The following KAZN variants were observed in gnomAD, a reference collection of about 807,000 sequenced individuals.
KAZN encodes the protein kazrin, periplakin interacting protein.
Under a neutral mutation model 87.4 loss-of-function variants are expected in KAZN, and 40 were observed. That is an observed-to-expected ratio of 0.46 (90% CI 0.36 to 0.60). The LOEUF is 0.60. Among genes scored for constraint, KAZN ranks in the 20% least tolerant of loss-of-function variants. The pLI, the probability that KAZN is intolerant of heterozygous loss-of-function variation, is 0.00. For synonymous variants in KAZN, 466 were observed against 458.3 expected, an observed-to-expected ratio of 1.02 and a Z score of -0.22; for missense variants, 898 against 1,073.9, an observed-to-expected ratio of 0.84 and a Z score of 2.29.
chr1:14,096,794 TC>T (rs1644138861), intron 1 of KAZN, among the ~76,000 whole-genome samples: 2 of 152,142 alleles, frequency 1.3e-5, no homozygotes, highest in Admixed American at 6.6e-5. Flanking sequence ...CTTGAGTGAA[TC>T]CCCAGGCCTA....
At chr1:14,794,657 C>A (rs1203247305) in intron 1 of KAZN, among the ~76,000 whole-genome samples, 1 of 152,232 alleles carries the variant, frequency 6.6e-6, no homozygotes, top group Non-Finnish European at 1.5e-5. Flanking sequence ...CCAGTGAAGT[C>A]AGCTCATGCA....
intron 1 of KAZN, among the ~76,000 whole-genome samples, chr1:14,658,345 T>C (rs1311366216): frequency 3.3e-5 from 5 of 152,194 alleles, no homozygotes; most frequent in African/African-American, 1.2e-4. Flanking sequence ...ACTAAATAAA[T>C]GTGAGCTGAT....
At chr1:14,971,742 C>T (rs1665072251) in intron 2 of KAZN, among the ~76,000 whole-genome samples, 1 of 139,292 alleles carries the variant, frequency 7.2e-6, no homozygotes, top group Admixed American at 7.9e-5. Context: ...AATGCAGTGG[C>T]GCGATCTCTG....
intron 1 of KAZN, among the ~76,000 whole-genome samples, chr1:14,776,601 T>G (rs1645180808): frequency 6.6e-6 from 1 of 152,194 alleles, no homozygotes; most frequent in Non-Finnish European, 1.5e-5. Context: ...GGCACTCTGC[T>G]AAGGACATCA....
chr1:13,916,805 G>T (rs1290191651), intron 1 of KAZN, among the ~76,000 whole-genome samples: 1 of 152,074 alleles, frequency 6.6e-6, no homozygotes. Flanking sequence ...GCCTCCTGTG[G>T]CTGGAGGCAA....
At chr1:14,775,708 C>T (rs1163649144) in intron 1 of KAZN, among the ~76,000 whole-genome samples, 14 of 152,256 alleles carry the variant, frequency 9.2e-5, no homozygotes, top group African/African-American at 3.4e-4. Flanking sequence ...CCGATTTAGC[C>T]TTAGGCTCAT....
At chr1:14,362,816 C>A (rs1452619941) in intron 2 of KAZN, among the ~76,000 whole-genome samples, 1 of 152,146 alleles carries the variant, frequency 6.6e-6, no homozygotes, top group Non-Finnish European at 1.5e-5. Context: ...CTATTTGACT[C>A]CAAGGGGTAT....
chr1:14,318,733 C>T (rs1278709409), intron 2 of KAZN, among the ~76,000 whole-genome samples: 1 of 151,958 alleles, frequency 6.6e-6, no homozygotes, highest in Non-Finnish European at 1.5e-5. Context: ...CCCTTCTGTG[C>T]TTCATTTGGA....
intron 1 of KAZN, among the ~76,000 whole-genome samples, chr1:14,109,822 C>CCCAGGCTGGA (rs1557482909): frequency 8.2e-5 from 7 of 85,278 alleles, no homozygotes; most frequent in Admixed American, 2.2e-4. Context: ...ACGATTTCAG[C>CCCAGGCTGGA]GTCAAGTAGG....
chr1:14,312,581 C>T (rs769247861), intron 2 of KAZN, among the ~76,000 whole-genome samples: 7 of 152,102 alleles, frequency 4.6e-5, no homozygotes, highest in Non-Finnish European at 8.8e-5. Context: ...TTCTAATAAA[C>T]GTTTTTATTG....
intron 2 of KAZN, among the ~76,000 whole-genome samples, chr1:14,418,862 TGTG>T (rs1450243579): frequency 6.6e-6 from 1 of 152,126 alleles, no homozygotes; most frequent in Non-Finnish European, 1.5e-5. Context: ...CCAGTACACT[TGTG>T]TGTGTGCAAA....
intron 1 of KAZN, among the ~76,000 whole-genome samples, chr1:14,794,813 C>T (rs1645782791): frequency 6.6e-6 from 1 of 152,176 alleles, no homozygotes; most frequent in Non-Finnish European, 1.5e-5. Context: ...ACATTTGAGT[C>T]AGTGGACTGG....
At chr1:14,993,205 C>T (rs1279017544) in intron 2 of KAZN, among the ~76,000 whole-genome samples, 10 of 150,352 alleles carry the variant, frequency 6.7e-5, no homozygotes, top group Non-Finnish European at 1.3e-4. Context: ...CGGTGGCTCA[C>T]GCCTGTAATC....
chr1:14,010,405 AT>A (rs1640240638), intron 1 of KAZN, among the ~76,000 whole-genome samples: 1 of 152,250 alleles, frequency 6.6e-6, no homozygotes, highest in African/African-American at 2.4e-5. Flanking sequence ...GTAACGTATC[AT>A]TTTAATTTCT....
At chr1:15,074,662 C>T (rs16851241) in intron 8 of KAZN, among the ~76,000 whole-genome samples, 1 of 151,950 alleles carries the variant, frequency 6.6e-6, no homozygotes, top group Non-Finnish European at 1.5e-5. Flanking sequence ...CAGGTCACAG[C>T]GATTTACAGT....
intron 1 of KAZN, among the ~76,000 whole-genome samples, chr1:14,067,946 C>T (rs1643077377): frequency 6.6e-6 from 1 of 152,134 alleles, no homozygotes; most frequent in Admixed American, 6.5e-5. Context: ...ATTAGTGTTC[C>T]AGGAAAATTG....
At chr1:14,803,185 C>T (rs925176110) in intron 1 of KAZN, among the ~76,000 whole-genome samples, 5 of 151,342 alleles carry the variant, frequency 3.3e-5, no homozygotes, top group Non-Finnish European at 7.4e-5. Flanking sequence ...GCAGTGTCTG[C>T]TGAGGAAAGT....
In KAZN at chr1:13,936,096, G is replaced by GTTTTTTTTTTTTTTTTTTTTTTTTTT. The variant is rs70984301; in HGVS notation, c.91+42355_91+42356insTTTTTTTTTTTTTTTTTTTTTTTTTT. 2.4e-5 allele frequency among the ~76,000 whole-genome samples: 2 copies of GTTTTTTTTTTTTTTTTTTTTTTTTTT among 84,840 alleles called. 1 individual carries two copies. The highest frequency in any genetic ancestry group is 3.4e-4 in the Admixed American group (2 of 5,902). The allele number at this position is 84,840 out of a possible 152,430, so 55.7% of individuals were successfully genotyped here. On this transcript the variant is annotated intron_variant, in intron 1 of 16. Transcript: ENST00000636203. ...TATAGATTTAGGTGGTACAAGTGCA[G>GTTTTTTTTTTTTTTTTTTTTTTTTTT]TTTTTTTTTTTTTTTGAGACAGAGT...
intron 2 of KAZN, among the ~76,000 whole-genome samples, chr1:14,577,323 T>C (rs1675253588): frequency 1.3e-5 from 2 of 152,204 alleles, no homozygotes; most frequent in African/African-American, 2.4e-5. Context: ...AAAAGTTAAA[T>C]ACAAGCTATC....
Sources: allele counts gnomAD v4.1 joint callset (sites outside exome capture counted in the v4.1 genomes callset), GRCh38; gene constraint gnomAD v4.1.1; transcripts MANE v1.5; gene names NCBI Gene and HGNC (gene_info 2026-07-23, HGNC 2026-07-21).